XKR6: variants seen among roughly 807,000 people sequenced by gnomAD.
XKR6 encodes the protein XK-related protein 6.
Under a neutral mutation model 56.7 loss-of-function variants are expected in XKR6, and 22 were observed. That is an observed-to-expected ratio of 0.39 (90% CI 0.28 to 0.55). XKR6 has a LOEUF of 0.55. Among genes scored for constraint, XKR6 ranks in the 20% least tolerant of loss-of-function variants. The probability of loss-of-function intolerance (pLI) is 0.66; values close to 1 mark genes in which losing one functional copy is unlikely to be tolerated. For synonymous variants in XKR6, 524 were observed against 387.8 expected (o/e 1.35, Z -4.13); for missense variants, 852 against 889.0 (o/e 0.96, Z 0.53).
intron 1 of XKR6, among the ~76,000 whole-genome samples, chr8:11,036,629 A>C (rs1799150958): frequency 6.6e-6 from 1 of 152,258 alleles, no homozygotes; most frequent in Non-Finnish European, 1.5e-5. Context: ...ATGCATGCTA[A>C]GATCTGAACA....
intron 1 of XKR6, among the ~76,000 whole-genome samples, chr8:11,017,270 G>T (rs1410239881): frequency 6.6e-6 from 1 of 152,242 alleles, no homozygotes; most frequent in African/African-American, 2.4e-5. Flanking sequence ...TATAGATATA[G>T]GTATATGTCC....
chr8:11,145,784 G>T (rs1466044583), intron 1 of XKR6, among the ~76,000 whole-genome samples: 1 of 152,054 alleles, frequency 6.6e-6, no homozygotes, highest in South Asian at 2.1e-4. Context: ...TTCCAAAACT[G>T]ATCTGCTAAC....
At chr8:10,965,944 A>T (rs1454319452) in intron 1 of XKR6, among the ~76,000 whole-genome samples, 4 of 152,206 alleles carry the variant, frequency 2.6e-5, no homozygotes, top group African/African-American at 9.7e-5. Flanking sequence ...AAACTCTAGG[A>T]TTCCTCAAGG....
intron 1 of XKR6, among the ~76,000 whole-genome samples, chr8:10,968,199 C>T (rs376091153): frequency 2.2e-4 from 34 of 152,326 alleles, no homozygotes; most frequent in African/African-American, 8.2e-4. Context: ...TGAACCGGAT[C>T]TCCCACCGCT....
chr8:11,034,646 C>G (rs1799091614), intron 1 of XKR6, among the ~76,000 whole-genome samples: 1 of 152,182 alleles, frequency 6.6e-6, no homozygotes, highest in African/African-American at 2.4e-5. Flanking sequence ...CAACTTTGTC[C>G]CTAAGCTCAG....
chr8:11,166,977 G>A lies in XKR6; in HGVS notation c.764+33599C>T, dbSNP rs915836733. On this transcript the variant is annotated intron_variant, in intron 1 of 2. Transcript: ENST00000416569. ...GGTGATTGCCAGGGAGATACAGGAA[G>A]AGGGTATGACAAGTAAGGTGGCATC... Among the ~76,000 whole-genome samples, 4 of 152,202 alleles carry A rather than the reference G, an allele frequency of 2.6e-5. No homozygotes were observed. The East Asian group carries it at 7.7e-4, about 29-fold the overall frequency.
At chr8:10,913,896 C>G (rs1046241402) in intron 2 of XKR6, among the ~76,000 whole-genome samples, 1 of 152,148 alleles carries the variant, frequency 6.6e-6, no homozygotes, top group Non-Finnish European at 1.5e-5. Flanking sequence ...GGACCTGCGA[C>G]GGGGGCCCCA....
chr8:11,076,754 T>C (rs1800284469), intron 1 of XKR6, among the ~76,000 whole-genome samples: 1 of 152,206 alleles, frequency 6.6e-6, no homozygotes, highest in Non-Finnish European at 1.5e-5. Context: ...GGCAGCCTCC[T>C]TGGAGTGGCC....
chr8:11,005,361 G>GATATATAT (rs1050511719), intron 1 of XKR6, among the ~76,000 whole-genome samples: 9 of 148,782 alleles, frequency 6.0e-5, no homozygotes, highest in African/African-American at 2.3e-4. Flanking sequence ...GACTGTAGTA[G>GATATATAT]ATATAGATAT....
chr8:11,099,522 TC>T (rs1798387479), intron 1 of XKR6, among the ~76,000 whole-genome samples: 1 of 152,196 alleles, frequency 6.6e-6, no homozygotes, highest in Non-Finnish European at 1.5e-5. Context: ...TGAGATCAGC[TC>T]CTCTCTTACA....
At chr8:10,960,402 C>A (rs1394567500) in intron 1 of XKR6, among the ~76,000 whole-genome samples, 1 of 152,182 alleles carries the variant, frequency 6.6e-6, no homozygotes, top group African/African-American at 2.4e-5. Flanking sequence ...CTGCCCCAGT[C>A]TCCTGGTCAA....
chr8:10,995,552 G>T lies in XKR6; in HGVS notation c.765-70722C>A, dbSNP rs149599551. Among the ~76,000 whole-genome samples the T allele has an allele frequency of 3.7e-3, 559 of 149,940 alleles. 6 individuals are homozygous for T. Among genetic ancestry groups the T allele is most frequent in the South Asian group, 0.019 (89 of 4,704 alleles). ...TATATATATAAATTAGCCAGGCATGGTGGCACACGCCTGTGGTCCCAGCTA... is the reference window on the plus strand; with the variant it reads ...TATATATATAAATTAGCCAGGCATGTTGGCACACGCCTGTGGTCCCAGCTA... On this transcript the variant is annotated intron_variant, in intron 1 of 2. Transcript: ENST00000416569.
intron 1 of XKR6, among the ~76,000 whole-genome samples, chr8:10,993,554 A>G (rs1258311301): frequency 1.3e-5 from 2 of 152,186 alleles, no homozygotes; most frequent in African/African-American, 4.8e-5. Context: ...CAGCCGTTCC[A>G]AAAGCAGGTG....
chr8:11,111,923 A>T (rs1486027867), intron 1 of XKR6: 1 of 152,206 alleles, frequency 6.6e-6, no homozygotes, highest in East Asian at 1.9e-4. Context: ...AAATTAAACA[A>T]TGTCAAAGGA....
intron 1 of XKR6, among the ~76,000 whole-genome samples, chr8:11,164,535 T>C (rs774594567): frequency 3.3e-5 from 5 of 152,230 alleles, no homozygotes; most frequent in African/African-American, 1.2e-4. Flanking sequence ...AGGTTCTTGT[T>C]TTAAGTCCCT....
chr8:10,927,205 G>A (rs186070333), intron 1 of XKR6, among the ~76,000 whole-genome samples: 244 of 152,278 alleles, frequency 1.6e-3, no homozygotes, highest in African/African-American at 4.9e-3. Flanking sequence ...ATGGCAGTGC[G>A]GGGAGGCAGG....
chr8:11,078,542 T>G (rs1379422298), intron 1 of XKR6, among the ~76,000 whole-genome samples: 2 of 152,134 alleles, frequency 1.3e-5, no homozygotes, highest in South Asian at 2.1e-4. Flanking sequence ...CCTTGAGTCC[T>G]AAGGAAGAGA....
intron 1 of XKR6, among the ~76,000 whole-genome samples, chr8:11,095,718 G>C (rs977480142): frequency 6.6e-6 from 1 of 152,150 alleles, no homozygotes; most frequent in Non-Finnish European, 1.5e-5. Flanking sequence ...CTTATGGAAG[G>C]TCTTTTTCAA....
chr8:10,948,861 G>T (rs981803494), intron 1 of XKR6, among the ~76,000 whole-genome samples: 1 of 152,200 alleles, frequency 6.6e-6, no homozygotes, highest in Admixed American at 6.5e-5. Flanking sequence ...AATAGAAGAT[G>T]GCATTTACTG....
Sources: gnomAD v4.1 joint callset for allele counts (sites outside exome capture counted in the v4.1 genomes callset) on GRCh38, gnomAD v4.1.1 for gene constraint, MANE v1.5 for transcripts, NCBI Gene and HGNC (gene_info 2026-07-23, HGNC 2026-07-21) for gene names.